CDC14A: variants seen among roughly 807,000 people sequenced by gnomAD.
CDC14A encodes cell division cycle 14A.
CDC14A carries 53 observed loss-of-function variants against 74.4 expected under a neutral mutation model. That is an observed-to-expected ratio of 0.71 (90% CI 0.57 to 0.89). The LOEUF is 0.89. Ranked by LOEUF, CDC14A falls within the 40% of genes least tolerant of loss-of-function variation. The probability of loss-of-function intolerance (pLI) is 0.00; values close to 1 mark genes in which losing one functional copy is unlikely to be tolerated. For missense variants in CDC14A, 646 were observed against 713.7 expected (o/e 0.91, Z 1.08); for synonymous variants, 247 against 258.4 (o/e 0.96, Z 0.43).
chr1:100,381,189 T>A (rs527694960), intron 3 of CDC14A, among the ~76,000 whole-genome samples: 134 of 152,294 alleles, frequency 8.8e-4, no homozygotes, highest in Non-Finnish European at 1.4e-3. Flanking sequence ...CATTTGCAGA[T>A]CCCCCTTTCT....
Position 100,412,727 on chromosome 1 carries a change from A to ATATATATATATTTTATATATATATATTT in CDC14A, c.310-11483_310-11456dup. ...ATATATATATATATATATATATTTTATATATATATATTTTATATATATATA... is the reference window on the plus strand; with the variant it reads ...ATATATATATATATATATATATTTTATATATATATATTTTATATATATATATTTTATATATATATTTTATATATATATA... On this transcript the variant is annotated intron_variant, in intron 4 of 15. Transcript: ENST00000336454. 2.0e-5 allele frequency among the ~76,000 whole-genome samples: 2 copies of ATATATATATATTTTATATATATATATTT among 98,698 alleles called. 1 individual carries two copies. The highest frequency in any genetic ancestry group is 5.1e-4 in the East Asian group (2 of 3,934). 64.7% of individuals were successfully genotyped at this position (98,698 alleles called of 152,430 possible).
In CDC14A at chr1:100,352,815, C is replaced by T. The variant is rs1336885190; in HGVS notation, c.-140C>T. On this transcript the variant is annotated 5_prime_UTR_variant, in exon 1 of 16. Coordinates refer to ENST00000336454, the MANE Select transcript of CDC14A (RefSeq NM_003672.4). The stretch of plus-strand genomic sequence containing the variant: ...CTGACCCCGAAGCCGCCTCCGCCTT[C>T]GGCGCCTGCTGCCTCCCTCGGCCAG... 4 of 1,468,778 alleles carry T rather than the reference C, an allele frequency of 2.7e-6. No homozygotes were observed. Among genetic ancestry groups the T allele is most frequent in the Non-Finnish European group, 3.6e-6 (4 of 1,116,048 alleles). The allele number at this position is 1,468,778 out of a possible 1,614,324, so 91.0% of individuals were successfully genotyped here.
chr1:100,476,025 G>T (rs981459423), intron 10 of CDC14A, among the ~76,000 whole-genome samples: 10 of 152,140 alleles, frequency 6.6e-5, no homozygotes, highest in African/African-American at 2.4e-4. Context: ...TGGCTGGCAG[G>T]GTTAGGGCCA....
intron 2 of CDC14A, among the ~76,000 whole-genome samples, chr1:100,375,852 T>A (rs1034713011): frequency 1.3e-5 from 2 of 152,190 alleles, no homozygotes; most frequent in Non-Finnish European, 2.9e-5. Context: ...TTCACACGTA[T>A]GTTTATTGCG....
Position 100,518,854 on chromosome 1 carries a change from T to A in CDC14A, c.*574T>A, listed in dbSNP as rs568377629. On this transcript the variant is annotated 3_prime_UTR_variant, in exon 16 of 16. Transcript: ENST00000336454. ...ATGCTCGCACTATAAATATGGCAGG[T>A]CAGTTCATTCTTTTGGGAAGTCAGT... is the stretch of plus-strand genomic sequence containing the variant. 6.6e-6 allele frequency: 1 copy of A among 151,912 alleles called. No individual in the cohort carries two copies. The highest frequency in any genetic ancestry group is 2.4e-5 in the African/African-American group (1 of 41,408). The allele number at this position is 151,912 out of a possible 1,614,324, so 9.4% of individuals were successfully genotyped here.
intron 4 of CDC14A, chr1:100,394,063 CT>C: frequency 4.3e-6 from 1 of 230,084 alleles, no homozygotes. Context: ...CTTCTCATTT[CT>C]TTACCCCTTT....
intron 15 of CDC14A, among the ~76,000 whole-genome samples, chr1:100,513,777 A>G (rs1445877044): frequency 6.6e-6 from 1 of 152,156 alleles, no homozygotes; most frequent in African/African-American, 2.4e-5. Flanking sequence ...ACATCTGCCA[A>G]AACAGATTAG....
At chr1:100,401,446 C>T (rs375065607) in intron 4 of CDC14A, among the ~76,000 whole-genome samples, 14 of 152,150 alleles carry the variant, frequency 9.2e-5, no homozygotes, top group Admixed American at 2.0e-4. Context: ...ATTATGAAGT[C>T]GGTACTAATT....
chr1:100,351,653 G>A (rs981539591), upstream of CDC14A: 2 of 1,180,994 alleles, frequency 1.7e-6, no homozygotes, highest in African/African-American at 3.1e-5. Context: ...CTGGCTCAGC[G>A]GTCTCGCCCC....
At chr1:100,391,237 G>T (rs1292268193) in intron 4 of CDC14A, among the ~76,000 whole-genome samples, 1 of 152,078 alleles carries the variant, frequency 6.6e-6, no homozygotes, top group East Asian at 1.9e-4. Context: ...GATTGCACAG[G>T]GGAGGATTGT....
chr1:100,415,895 G>A (rs1397123558), intron 4 of CDC14A, among the ~76,000 whole-genome samples: 3 of 152,112 alleles, frequency 2.0e-5, no homozygotes, highest in African/African-American at 7.2e-5. Context: ...TTATAAAGTT[G>A]AATGTAGATA....
intron 15 of CDC14A, among the ~76,000 whole-genome samples, chr1:100,500,120 G>T (rs1648530881): frequency 6.6e-6 from 1 of 152,180 alleles, no homozygotes; most frequent in South Asian, 2.1e-4. Flanking sequence ...AGGAATGTGA[G>T]TTTCGATTTG....
chr1:100,441,801 G>A (rs1664961643), intron 6 of CDC14A, among the ~76,000 whole-genome samples: 2 of 152,078 alleles, frequency 1.3e-5, no homozygotes, highest in African/African-American at 2.4e-5. Flanking sequence ...CCCAACCACA[G>A]CAAATATGAT....
intron 5 of CDC14A, among the ~76,000 whole-genome samples, chr1:100,431,525 A>G (rs1014375215): frequency 2.0e-5 from 3 of 152,084 alleles, no homozygotes; most frequent in Non-Finnish European, 4.4e-5. Flanking sequence ...GTTAAAACCA[A>G]TTTGCCATTA....
At chr1:100,438,938 C>G (rs1172003815) in intron 5 of CDC14A, among the ~76,000 whole-genome samples, 1 of 152,196 alleles carries the variant, frequency 6.6e-6, no homozygotes, top group Non-Finnish European at 1.5e-5. Context: ...TCTGCCTGCT[C>G]TGTTTCTTGG....
At chr1:100,442,857 G>A in intron 6 of CDC14A, 77 bp from the exon 7 acceptor site, 2 of 942,152 alleles carry the variant, frequency 2.1e-6, no homozygotes, top group Admixed American at 1.8e-5. Flanking sequence ...GATCATTTCT[G>A]TAAGTAGGAG....
chr1:100,474,317 C>A (rs982185604), intron 10 of CDC14A, among the ~76,000 whole-genome samples: 4 of 151,666 alleles, frequency 2.6e-5, no homozygotes, highest in African/African-American at 9.7e-5. Flanking sequence ...TCTGTTTTGT[C>A]TGGGTTTTGT....
upstream of CDC14A, among the ~76,000 whole-genome samples, chr1:100,351,222 A>C (rs74892681): frequency 1.6e-4 from 24 of 151,176 alleles, no homozygotes; most frequent in South Asian, 2.1e-3. Context: ...AAAAAAAAAA[A>C]CCACAAACAA....
Position 100,520,113 on chromosome 1 carries a change from G to A in CDC14A, c.*1833G>A, listed in dbSNP as rs1650562640. 6.6e-6 allele frequency: 1 copy of A among 152,380 alleles called. No individual in the cohort carries two copies. The highest frequency in any genetic ancestry group is 2.4e-5 in the African/African-American group (1 of 41,378). 9.4% of individuals were successfully genotyped at this position (152,380 alleles called of 1,614,324 possible). ...TACATAGACACACCAAGAAGTGGATGTATATAATATAGAAAGTATATAGCA... is the reference window on the plus strand; with the variant it reads ...TACATAGACACACCAAGAAGTGGATATATATAATATAGAAAGTATATAGCA... On this transcript the variant is annotated 3_prime_UTR_variant, in exon 16 of 16. Coordinates refer to ENST00000336454, the MANE Select transcript of CDC14A (RefSeq NM_003672.4).
Sources: allele counts gnomAD v4.1 joint callset (sites outside exome capture counted in the v4.1 genomes callset), GRCh38; gene constraint gnomAD v4.1.1; transcripts MANE v1.5; gene names NCBI Gene and HGNC (gene_info 2026-07-23, HGNC 2026-07-21).